Variants in ANKRD30B observed in about 807,000 individuals in gnomAD.
The protein encoded by ANKRD30B is ankyrin repeat domain-containing protein 30B.
ANKRD30B carries 144 observed loss-of-function variants against 202.2 expected under a neutral mutation model. That is an observed-to-expected ratio of 0.71 (90% confidence interval 0.62 to 0.82). ANKRD30B has a LOEUF of 0.82. ANKRD30B is among the 40% of genes least tolerant of loss of function. The pLI is 0.00. For synonymous variants in ANKRD30B, 508 were observed against 561.3 expected, an observed-to-expected ratio of 0.91 and a Z score of 1.34; for missense variants, 1,487 against 1,669.1, an observed-to-expected ratio of 0.89 and a Z score of 1.90.
At chr18:14,884,187 TC>T in the ANKRD30B span, 1 of 136,252 alleles carries the variant, frequency 7.3e-6, no homozygotes, top group Non-Finnish European at 1.6e-5. Flanking sequence ...TATCTCACAC[TC>T]TGATTTCTTG....
chr18:14,927,266 A>T, the ANKRD30B span, among the ~76,000 whole-genome samples: 3 of 152,194 alleles, frequency 2.0e-5, no homozygotes, highest in Non-Finnish European at 2.9e-5. Flanking sequence ...ATACCCACTA[A>T]TTCCATAATC....
chr18:14,843,553 CTGTGTGTGTGTGTGTGTGTGTGTG>C (rs56044501), intron 39 of ANKRD30B, among the ~76,000 whole-genome samples: 1 of 145,270 alleles, frequency 6.9e-6, no homozygotes, highest in Non-Finnish European at 1.5e-5. Context: ...AGCTTACTTT[CTGTGTGTGTGTGTGTGTGTGTGTG>C]TGTGTGTGTG....
intron 4 of ANKRD30B, 50 bp from the exon 5 acceptor site, chr18:14,757,765 A>G (rs1914606541): frequency 9.5e-6 from 15 of 1,583,012 alleles, no homozygotes; most frequent in Non-Finnish European, 1.2e-5. Flanking sequence ...ACTGATAGGC[A>G]CATATTAAAT....
chr18:14,782,800 A>T (rs1038285832), intron 12 of ANKRD30B, among the ~76,000 whole-genome samples, 186 bp downstream of exon 12: 3 of 152,170 alleles, frequency 2.0e-5, no homozygotes, highest in Non-Finnish European at 4.4e-5. Flanking sequence ...AGAGTGCAAG[A>T]AAAAAACCGA....
At chr18:14,831,523 A>T in intron 34 of ANKRD30B, 68 bp downstream of exon 34, 1 of 806,368 alleles carries the variant, frequency 1.2e-6, no homozygotes, top group Non-Finnish European at 2.0e-6. Context: ...TTTACTTTTC[A>T]TGTTTAGCAG....
intron 20 of ANKRD30B, among the ~76,000 whole-genome samples, chr18:14,798,118 G>A (rs1362352501): frequency 2.0e-5 from 3 of 152,110 alleles, no homozygotes; most frequent in Non-Finnish European, 4.4e-5. Flanking sequence ...GTTCCCAGGT[G>A]GATCAGCAGG....
At chr18:14,931,205 G>A in the ANKRD30B span, among the ~76,000 whole-genome samples, 1 of 152,154 alleles carries the variant, frequency 6.6e-6, no homozygotes, top group Admixed American at 6.5e-5. Flanking sequence ...GCTCACCATT[G>A]ACTCTTAAGA....
chr18:14,867,013 T>C, the ANKRD30B span, among the ~76,000 whole-genome samples: 2 of 130,274 alleles, frequency 1.5e-5, no homozygotes, highest in Non-Finnish European at 3.2e-5. Flanking sequence ...AATGTTGCAT[T>C]GTCCGTGGGG....
intron 16 of ANKRD30B, among the ~76,000 whole-genome samples, chr18:14,792,980 A>G (rs1968627026): frequency 1.3e-5 from 2 of 152,160 alleles, no homozygotes; most frequent in African/African-American, 2.4e-5. Context: ...ATTTTAACCT[A>G]GAAAATTTTG....
intron 33 of ANKRD30B, among the ~76,000 whole-genome samples, chr18:14,831,134 C>T (rs1405105326): frequency 2.2e-4 from 30 of 135,114 alleles, no homozygotes; most frequent in South Asian, 2.4e-4. Context: ...GAGCAGAAAT[C>T]GAGCCATCTC....
At chr18:14,752,814 G>A (rs767398172) in intron 2 of ANKRD30B, 25 bp from the exon 3 acceptor site, 3 of 1,592,510 alleles carry the variant, frequency 1.9e-6, no homozygotes, top group East Asian at 2.3e-5. Context: ...AATTTATAAT[G>A]TACTTCTTGC....
At chr18:14,879,119 T>C in the ANKRD30B span, among the ~76,000 whole-genome samples, 1 of 152,146 alleles carries the variant, frequency 6.6e-6, no homozygotes, top group Middle Eastern at 3.2e-3. Flanking sequence ...GCACAGACCT[T>C]GCGGGCACTG....
the ANKRD30B span, among the ~76,000 whole-genome samples, chr18:14,940,051 G>A: frequency 2.0e-5 from 3 of 152,214 alleles, no homozygotes; most frequent in Non-Finnish European, 4.4e-5. Flanking sequence ...GGCAAATCCA[G>A]TGCTTTTCAA....
chr18:14,893,159 C>T, the ANKRD30B span, among the ~76,000 whole-genome samples: 1 of 152,126 alleles, frequency 6.6e-6, no homozygotes, highest in African/African-American at 2.4e-5. Context: ...GAATCAGTAC[C>T]TTATCAACCC....
At chr18:14,765,967 A>G (rs1231904403) in intron 7 of ANKRD30B, among the ~76,000 whole-genome samples, 2 of 152,198 alleles carry the variant, frequency 1.3e-5, no homozygotes, top group Non-Finnish European at 2.9e-5. Flanking sequence ...GAAAGCCATC[A>G]GTTAAGGGGC....
chr18:14,814,361 C>A (rs1462980835), intron 29 of ANKRD30B, among the ~76,000 whole-genome samples: 1 of 57,500 alleles, frequency 1.7e-5, no homozygotes, highest in East Asian at 3.8e-4. Flanking sequence ...CGAGTGAATT[C>A]TTTCGTGAGT....
chr18:14,872,936 T>G, the ANKRD30B span, among the ~76,000 whole-genome samples: 21 of 152,244 alleles, frequency 1.4e-4, no homozygotes, highest in Middle Eastern at 3.4e-3. Flanking sequence ...ACATCTCAGG[T>G]AGGAGTTGTC....
At chr18:14,760,207 G>A (rs1345485878) in intron 5 of ANKRD30B, among the ~76,000 whole-genome samples, 1 of 152,130 alleles carries the variant, frequency 6.6e-6, no homozygotes, top group Non-Finnish European at 1.5e-5. Context: ...ATTTTTAGAA[G>A]ACATTGAGCC....
rs772396575 is a variant in ANKRD30B at position 14,808,656 on chromosome 18, T to G, written c.2314-16T>G. 1.3e-6 allele frequency: 2 copies of G among 1,545,974 alleles called. No individual in the cohort carries two copies. The highest frequency in any genetic ancestry group is 2.4e-5 in the South Asian group (2 of 83,448). ...ATACATTATATATTAATTTTTGTGT[T>G]TCCAAACCCATTTAGCCTACCTGTG... On this transcript the variant is annotated splice_polypyrimidine_tract_variant and intron_variant, in intron 25 of 43. Transcript: ENST00000690538.
Sources: gnomAD v4.1 joint callset for allele counts (sites outside exome capture counted in the v4.1 genomes callset) on GRCh38, gnomAD v4.1.1 for gene constraint, MANE v1.5 for transcripts, NCBI Gene and HGNC (gene_info 2026-07-23, HGNC 2026-07-21) for gene names.